CTTNBP2: variants seen among roughly 807,000 people sequenced by gnomAD.
CTTNBP2 encodes the protein cortactin-binding protein 2.
A neutral mutation model predicts 156.9 loss-of-function variants in CTTNBP2; 108 were observed. The ratio of observed to expected loss-of-function variants is 0.69; its 90% CI spans 0.59 to 0.81. CTTNBP2 has a LOEUF of 0.81. Among genes scored for constraint, CTTNBP2 ranks in the 30% least tolerant of loss-of-function variants. The probability of loss-of-function intolerance (pLI) is 0.00; values close to 1 mark genes in which losing one functional copy is unlikely to be tolerated. For synonymous variants in CTTNBP2, 767 were observed against 751.8 expected (o/e 1.02, Z -0.33); for missense variants, 1,924 against 2,035.4 (o/e 0.95, Z 1.05).
rs948362055 is a variant in CTTNBP2 at position 117,760,119 on chromosome 7, G to A, written c.3172+316C>T. 27 of 353,482 alleles carry A rather than the reference G, an allele frequency of 7.6e-5. No individual in the cohort carries two copies. The East Asian group carries it at 1.2e-3, about 15-fold the overall frequency. 21.9% of individuals were successfully genotyped at this position (353,482 alleles called of 1,614,324 possible). A position where few individuals can be genotyped will look rare whatever the true frequency, so the allele number is the denominator to read the frequency against. On this transcript the variant is annotated intron_variant, in intron 10 of 22. Coordinates refer to ENST00000160373, the MANE Select transcript of CTTNBP2 (RefSeq NM_033427.3). ...AAATTTTGAGCTGTGTTCAGTACTT[G>A]CGCAAAAGCAAGCAGCTGTGGGGTG...
rs758282368 is a variant in CTTNBP2 at position 117,791,787 on chromosome 7, G to A, written c.1409C>T (p.Pro470Leu). The A allele has an allele frequency of 6.2e-6, 10 of 1,614,090 alleles. No homozygotes were observed. The highest frequency in any genetic ancestry group is 3.3e-5 in the South Asian group (3 of 91,088). Residue 470 changes from proline to leucine, a missense_variant, in exon 4 of 23, where the codon CCG becomes CTG. Physicochemically the swap from Pro to Leu is moderately conservative, Grantham distance 98. Coordinates refer to ENST00000160373, the MANE Select transcript of CTTNBP2 (RefSeq NM_033427.3). Reference protein sequence around the residue: ...DQNGNTTQSPPSRDVSPTSRD... With the variant: ...DQNGNTTQSPLSRDVSPTSRD... ...ACTTGTAGGCGAGACATCTCTTGACGGAGGACTTTGGGTAGTATTTCCATT... is the reference window on the plus strand; with the variant it reads ...ACTTGTAGGCGAGACATCTCTTGACAGAGGACTTTGGGTAGTATTTCCATT...
chr7:117,716,440 G>A (rs1191449578), intron 22 of CTTNBP2, among the ~76,000 whole-genome samples: 1 of 152,102 alleles, frequency 6.6e-6, no homozygotes, highest in African/African-American at 2.4e-5. Context: ...CACTGACGAT[G>A]TTCCACAAGG....
At chr7:117,778,041 C>A (rs1798203197) in intron 7 of CTTNBP2, among the ~76,000 whole-genome samples, 1 of 152,086 alleles carries the variant, frequency 6.6e-6, no homozygotes, top group Non-Finnish European at 1.5e-5. Flanking sequence ...CTGTCCAGGG[C>A]ATAACTGAGC....
At chr7:117,812,822 T>C (rs1450049391) in intron 2 of CTTNBP2, among the ~76,000 whole-genome samples, 2 of 152,208 alleles carry the variant, frequency 1.3e-5, no homozygotes, top group Admixed American at 1.3e-4. Flanking sequence ...TGTTTTTTCC[T>C]AATCGTTTTA....
chr7:117,831,346 G>T (rs1801600907), intron 2 of CTTNBP2, among the ~76,000 whole-genome samples: 2 of 152,016 alleles, frequency 1.3e-5, no homozygotes, highest in African/African-American at 4.8e-5. Context: ...TCTCCATCCA[G>T]TGTAGAGCTC....
chr7:117,828,013 T>C lies in CTTNBP2; in HGVS notation c.190-17024A>G, dbSNP rs182352227. Among the ~76,000 whole-genome samples, 39 of 152,288 alleles carry C rather than the reference T, an allele frequency of 2.6e-4. No individual in the cohort carries two copies. The East Asian group carries it at 6.8e-3, about 26-fold the overall frequency. Reference sequence around the variant, plus strand: ...ACTGAGGAGTAACTCGCCAACTGCATGAACCACTGAGCATCTGGAAAAAAT... The same window carrying C: ...ACTGAGGAGTAACTCGCCAACTGCACGAACCACTGAGCATCTGGAAAAAAT... On this transcript the variant is annotated intron_variant, in intron 2 of 22. Transcript: ENST00000160373.
At chr7:117,720,966 T>A (rs994334686) in intron 20 of CTTNBP2, 101 bp downstream of exon 20, 3 of 813,904 alleles carry the variant, frequency 3.7e-6, no homozygotes, top group Non-Finnish European at 6.4e-6. Flanking sequence ...CATATTAACA[T>A]AATAGTCATT....
intron 14 of CTTNBP2, among the ~76,000 whole-genome samples, chr7:117,742,870 T>C (rs1423671685): frequency 6.6e-6 from 1 of 152,252 alleles, no homozygotes; most frequent in African/African-American, 2.4e-5. Flanking sequence ...CTGACGACAC[T>C]GGACCTACAA....
At chr7:117,793,332 G>T (rs1451780912) in intron 3 of CTTNBP2, 1 of 152,260 alleles carries the variant, frequency 6.6e-6, no homozygotes, top group Admixed American at 6.5e-5. Flanking sequence ...ATATATGAAA[G>T]AAAGTTCTTT....
In CTTNBP2 at chr7:117,802,204, T is replaced by C. The variant is rs556774012; in HGVS notation, c.414+8561A>G. On this transcript the variant is annotated intron_variant, in intron 3 of 22. Coordinates refer to ENST00000160373, the MANE Select transcript of CTTNBP2 (RefSeq NM_033427.3). ...TAGTTTACTGAGAATGATGATTCAATACAGGAAAATTACAATTATATAAGA... is the reference window on the plus strand; with the variant it reads ...TAGTTTACTGAGAATGATGATTCAACACAGGAAAATTACAATTATATAAGA... Among the ~76,000 whole-genome samples, 9 of 151,802 alleles carry C rather than the reference T, an allele frequency of 5.9e-5. No homozygotes were observed. In the South Asian group the frequency reaches 1.9e-3, roughly 32 times the overall value.
intron 8 of CTTNBP2, among the ~76,000 whole-genome samples, chr7:117,775,102 T>C (rs906299288): frequency 1.3e-5 from 2 of 152,210 alleles, no homozygotes; most frequent in African/African-American, 4.8e-5. Context: ...TTCCCAACTT[T>C]TATCTACTAA....
chr7:117,817,942 C>T (rs558563375), intron 2 of CTTNBP2, among the ~76,000 whole-genome samples: 1 of 152,282 alleles, frequency 6.6e-6, no homozygotes, highest in South Asian at 2.1e-4. Context: ...GCAAGTCTTA[C>T]TCTAAAGCCT....
Position 117,791,640 on chromosome 7 carries a change from C to T in CTTNBP2, c.1556G>A (p.Gly519Asp), listed in dbSNP as rs1173768917. The change falls in exon 4 of 23, where the codon GGC becomes GAC. Residue 519 changes from glycine to aspartate, a missense_variant. Physicochemically the swap from Gly to Asp is moderately conservative, Grantham distance 94. Coordinates refer to ENST00000160373, the MANE Select transcript of CTTNBP2 (RefSeq NM_033427.3). ...RPGVPPTGDV[G>D]THPPVGRTSL... Reference sequence around the variant, plus strand: ...GGTCCGACCAACTGGAGGGTGGGTGCCAACATCCCCTGTTGGGGGCACTCC... The same window carrying T: ...GGTCCGACCAACTGGAGGGTGGGTGTCAACATCCCCTGTTGGGGGCACTCC... The T allele has an allele frequency of 1.4e-5, 22 of 1,614,032 alleles. No individual in the cohort carries two copies. The highest frequency in any genetic ancestry group is 1.7e-5 in the Non-Finnish European group (20 of 1,180,038).
intron 2 of CTTNBP2, among the ~76,000 whole-genome samples, chr7:117,826,839 ATTAT>A (rs1209933494): frequency 1.3e-5 from 1 of 78,020 alleles, no homozygotes; most frequent in African/African-American, 6.2e-5. Context: ...TATTATTATT[ATTAT>A]TATTATTATT....
chr7:117,721,410 C>A (rs1698958565), intron 19 of CTTNBP2, among the ~76,000 whole-genome samples: 1 of 152,240 alleles, frequency 6.6e-6, no homozygotes, highest in African/African-American at 2.4e-5. Context: ...TCCTGAATTT[C>A]ACTTTTATGG....
At chr7:117,726,238 A>G (rs1408716829) in intron 17 of CTTNBP2, among the ~76,000 whole-genome samples, 1 of 152,250 alleles carries the variant, frequency 6.6e-6, no homozygotes, top group East Asian at 1.9e-4. Flanking sequence ...AAGGCTATAG[A>G]AACAAAACCA....
intron 2 of CTTNBP2, among the ~76,000 whole-genome samples, chr7:117,860,579 A>G (rs1803659712): frequency 1.3e-5 from 2 of 152,022 alleles, no homozygotes; most frequent in South Asian, 2.1e-4. Flanking sequence ...TCCTGACCTC[A>G]TGATCCGCCC....
chr7:117,814,816 T>C (rs1800485327), intron 2 of CTTNBP2, among the ~76,000 whole-genome samples: 2 of 152,334 alleles, frequency 1.3e-5, no homozygotes, highest in Non-Finnish European at 2.9e-5. Context: ...CCTTTAAGGG[T>C]AAAAACAGTG....
intron 2 of CTTNBP2, among the ~76,000 whole-genome samples, chr7:117,830,874 T>A (rs1450692209): frequency 6.6e-6 from 1 of 152,240 alleles, no homozygotes; most frequent in Admixed American, 6.5e-5. Context: ...GATTTATATT[T>A]GAACTCCACT....
Sources: allele counts gnomAD v4.1 joint callset (sites outside exome capture counted in the v4.1 genomes callset), GRCh38; gene constraint gnomAD v4.1.1; transcripts MANE v1.5; gene names NCBI Gene and HGNC (gene_info 2026-07-23, HGNC 2026-07-21).